The following NUDT3 variants were observed in gnomAD, a reference collection of about 807,000 sequenced individuals.
NUDT3 encodes nudix hydrolase 3.
NUDT3 carries 9 observed loss-of-function variants against 23.6 expected under a neutral mutation model. That is an observed-to-expected ratio of 0.38 (90% CI 0.23 to 0.66). The LOEUF is 0.66. Among genes scored for constraint, NUDT3 ranks in the 30% least tolerant of loss-of-function variants. NUDT3 has a pLI of 0.52. For missense variants in NUDT3, 172 were observed against 218.5 expected, an observed-to-expected ratio of 0.79 and a Z score of 1.34; for synonymous variants, 86 against 82.6, an observed-to-expected ratio of 1.04 and a Z score of -0.22.
chr6:34,310,583 G>A (rs756845806), intron 2 of NUDT3, among the ~76,000 whole-genome samples: 16 of 151,978 alleles, frequency 1.1e-4, no homozygotes, highest in Non-Finnish European at 2.2e-4. Context: ...TTCCAAAACA[G>A]AAAACACCAA....
rs199664689 is a variant in NUDT3 at position 34,371,607 on chromosome 6, ACAGT to A, written c.99+20653_99+20656del. On this transcript the variant is annotated intron_variant, in intron 1 of 4. Transcript: ENST00000607016. ...ATCCTTTCTGAAACCATTAGAGGTA[ACAGT>A]CAGTTTATGTGGTTCACTGATTAGA... 7.4e-3 allele frequency among the ~76,000 whole-genome samples: 1,126 copies of A among 152,350 alleles called. 13 individuals are homozygous for A. Among genetic ancestry groups the A allele is most frequent in the Middle Eastern group, 0.024 (7 of 294 alleles).
At chr6:34,367,411 G>A (rs938437161) in intron 1 of NUDT3, among the ~76,000 whole-genome samples, 3 of 151,764 alleles carry the variant, frequency 2.0e-5, no homozygotes, top group Non-Finnish European at 4.4e-5. Flanking sequence ...GAACCTGGGA[G>A]GCGGAGGTTG....
In NUDT3 at chr6:34,392,365, T is replaced by C; in HGVS notation, c.-3A>G. 1 of 1,598,692 alleles carries C rather than the reference T, an allele frequency of 6.3e-7. No homozygotes were observed. The highest frequency in any genetic ancestry group is 8.5e-7 in the Non-Finnish European group (1 of 1,174,714). On this transcript the variant is annotated 5_prime_UTR_variant, in exon 1 of 5. Coordinates refer to ENST00000607016, the MANE Select transcript of NUDT3 (RefSeq NM_006703.4). ...TGGTTCGACTTGAGCTTCATCATCC[T>C]CCGGGCCCGGGTGGGGGTGCGGTGC...
At chr6:34,334,555 T>C (rs553220346) in intron 2 of NUDT3, among the ~76,000 whole-genome samples, 226 of 152,018 alleles carry the variant, frequency 1.5e-3, no homozygotes, top group Non-Finnish European at 3.0e-3. Context: ...AGGAGAATCA[T>C]TTGAACCCAG....
At chr6:34,319,828 T>C (rs1055445112) in intron 2 of NUDT3, among the ~76,000 whole-genome samples, 7 of 152,092 alleles carry the variant, frequency 4.6e-5, no homozygotes, top group Non-Finnish European at 1.0e-4. Flanking sequence ...GGGGAAAGAT[T>C]AGAGTCCTGC....
At position 34,292,723 on chromosome 6, in the gene NUDT3, C is replaced by T. The variant is rs558654625; in HGVS notation, c.340+728G>A. Among the ~76,000 whole-genome samples the T allele has an allele frequency of 1.3e-4, 20 of 152,296 alleles. No homozygotes were observed. In the South Asian group the frequency reaches 2.1e-3, roughly 16 times the overall value. On this transcript the variant is annotated intron_variant, in intron 4 of 4. Coordinates refer to ENST00000607016, the MANE Select transcript of NUDT3 (RefSeq NM_006703.4). ...TTCTGGAGGGACTCACACCACCAAA[C>T]CAACAGTTTTCTCAACAATATAAAT...
intron 1 of NUDT3, among the ~76,000 whole-genome samples, chr6:34,343,541 CAAA>C (rs35748626): frequency 4.9e-5 from 7 of 141,878 alleles, no homozygotes; most frequent in South Asian, 2.2e-4. Context: ...ACCCCCATCT[CAAA>C]AAAAAAAAAA....
chr6:34,387,736 T>TTA (rs1765130687), intron 1 of NUDT3, among the ~76,000 whole-genome samples: 2 of 107,964 alleles, frequency 1.9e-5, no homozygotes, highest in Admixed American at 1.8e-4. Flanking sequence ...AAAAATATTG[T>TTA]TATATAGCTG....
chr6:34,302,194 G>A (rs1290920359), intron 2 of NUDT3, among the ~76,000 whole-genome samples: 1 of 148,764 alleles, frequency 6.7e-6, no homozygotes, highest in Non-Finnish European at 1.5e-5. Context: ...ATCACAACTG[G>A]CTTTTTTTTT....
At chr6:34,325,030 C>T (rs1375127155) in intron 2 of NUDT3, among the ~76,000 whole-genome samples, 2 of 152,178 alleles carry the variant, frequency 1.3e-5, no homozygotes, top group African/African-American at 4.8e-5. Context: ...CATCCCCGAA[C>T]TGTAACTGAG....
chr6:34,384,679 T>C (rs1171359914), intron 1 of NUDT3, among the ~76,000 whole-genome samples: 1 of 152,174 alleles, frequency 6.6e-6, no homozygotes, highest in Non-Finnish European at 1.5e-5. Flanking sequence ...ACTCAAGAAG[T>C]TACAGTCTTC....
chr6:34,339,746 C>T (rs1038531905), intron 2 of NUDT3, among the ~76,000 whole-genome samples: 1 of 152,162 alleles, frequency 6.6e-6, no homozygotes, highest in Non-Finnish European at 1.5e-5. Flanking sequence ...GATTGTATGG[C>T]CTGTATAATA....
chr6:34,350,851 A>G (rs1291916693), intron 1 of NUDT3, among the ~76,000 whole-genome samples: 1 of 150,610 alleles, frequency 6.6e-6, no homozygotes, highest in Non-Finnish European at 1.5e-5. Context: ...TTCCCTGCCT[A>G]GTACAAAGAA....
chr6:34,341,773 C>T, intron 2 of NUDT3, 89 bp downstream of exon 2: 1 of 1,113,126 alleles, frequency 9.0e-7, no homozygotes, highest in Non-Finnish European at 1.3e-6. Context: ...TATATTTATT[C>T]AGTGAGTGCT....
intron 1 of NUDT3, among the ~76,000 whole-genome samples, chr6:34,349,564 G>T (rs1019405383): frequency 1.3e-5 from 2 of 150,478 alleles, no homozygotes; most frequent in Non-Finnish European, 3.0e-5. Flanking sequence ...GGAAACCGAC[G>T]GTGATTTTGG....
At chr6:34,328,373 T>C (rs1425138997) in intron 2 of NUDT3, among the ~76,000 whole-genome samples, 1 of 152,218 alleles carries the variant, frequency 6.6e-6, no homozygotes, top group African/African-American at 2.4e-5. Flanking sequence ...AGTGTATTAG[T>C]GTAGCCAAGT....
At chr6:34,365,845 T>C (rs962807845) in intron 1 of NUDT3, among the ~76,000 whole-genome samples, 1 of 151,952 alleles carries the variant, frequency 6.6e-6, no homozygotes, top group African/African-American at 2.4e-5. Flanking sequence ...AGTTCAAGAC[T>C]GGCCTGGCCA....
At chr6:34,323,835 T>C (rs115855982) in intron 2 of NUDT3, among the ~76,000 whole-genome samples, 1,612 of 152,324 alleles carry the variant, frequency 0.011, 13 homozygotes, top group Middle Eastern at 0.031. Context: ...TCTTGTATGC[T>C]TGAAAATTTT....
At chr6:34,368,632 C>A (rs777818791) in intron 1 of NUDT3, among the ~76,000 whole-genome samples, 1 of 152,008 alleles carries the variant, frequency 6.6e-6, no homozygotes, top group Non-Finnish European at 1.5e-5. Context: ...AGTAGCTCTG[C>A]TTTTGTTTTG....
Sources: gnomAD v4.1 joint callset for allele counts (sites outside exome capture counted in the v4.1 genomes callset) on GRCh38, gnomAD v4.1.1 for gene constraint, MANE v1.5 for transcripts, NCBI Gene and HGNC (gene_info 2026-07-23, HGNC 2026-07-21) for gene names.